The following BRINP1 variants were observed in gnomAD, a reference collection of about 807,000 sequenced individuals.
BRINP1 encodes BMP/retinoic acid-inducible neural-specific protein 1.
Under a neutral mutation model 72.9 loss-of-function variants are expected in BRINP1, and 17 were observed. The observed-to-expected ratio is 0.23, with a 90% CI of 0.16 to 0.35. The LOEUF (loss-of-function observed/expected upper bound fraction) is 0.35, where lower values mean the gene tolerates loss of function less well. Ranked by LOEUF, BRINP1 falls within the 10% of genes least tolerant of loss-of-function variation. BRINP1 has a pLI of 1.00. For synonymous variants in BRINP1, 418 were observed against 378.5 expected, an observed-to-expected ratio of 1.10 and a Z score of -1.21; for missense variants, 850 against 1,001.6, an observed-to-expected ratio of 0.85 and a Z score of 2.04.
chr9:119,282,722 A>G (rs915406030), intron 2 of BRINP1: 15 of 896,336 alleles, frequency 1.7e-5, no homozygotes, highest in Non-Finnish European at 2.0e-5. Flanking sequence ...CTGGAAGGGG[A>G]CTGGGGAACA....
chr9:119,291,504 A>G (rs2118973429), intron 2 of BRINP1, among the ~76,000 whole-genome samples: 1 of 152,296 alleles, frequency 6.6e-6, no homozygotes, highest in Non-Finnish European at 1.5e-5. Flanking sequence ...TACTTTGAAG[A>G]CTGTCTTCCA....
intron 2 of BRINP1, among the ~76,000 whole-genome samples, chr9:119,255,976 A>C (rs1295016875): frequency 1.3e-5 from 2 of 151,020 alleles, no homozygotes; most frequent in Non-Finnish European, 3.0e-5. Flanking sequence ...AAAAAAAAAA[A>C]AAAAAAACAC....
At chr9:119,321,297 T>C (rs1831184076) in intron 1 of BRINP1, among the ~76,000 whole-genome samples, 1 of 152,104 alleles carries the variant, frequency 6.6e-6, no homozygotes, top group Admixed American at 6.5e-5. Context: ...GTAACTGGCC[T>C]CATACCACAA....
chr9:119,325,169 GAA>G (rs1831227504), intron 1 of BRINP1, among the ~76,000 whole-genome samples: 1 of 152,018 alleles, frequency 6.6e-6, no homozygotes, highest in Non-Finnish European at 1.5e-5. Flanking sequence ...GAGGAAAAAA[GAA>G]AACTCTGGAA....
At chr9:119,254,234 T>C (rs1457024738) in intron 2 of BRINP1, among the ~76,000 whole-genome samples, 2 of 152,034 alleles carry the variant, frequency 1.3e-5, no homozygotes, top group African/African-American at 4.8e-5. Context: ...AAGAAACAAA[T>C]ATGTAATGTG....
intron 4 of BRINP1, among the ~76,000 whole-genome samples, chr9:119,240,506 G>C (rs755403541): frequency 1.3e-5 from 2 of 152,166 alleles, no homozygotes; most frequent in Non-Finnish European, 2.9e-5. Flanking sequence ...TCTTCTGACA[G>C]AGCTTCAATA....
At chr9:119,245,127 G>A (rs1034565607) in intron 3 of BRINP1, among the ~76,000 whole-genome samples, 2 of 152,084 alleles carry the variant, frequency 1.3e-5, no homozygotes, top group Non-Finnish European at 2.9e-5. Context: ...AAACAAAAAA[G>A]ATGAGCCCTC....
chr9:119,337,277 C>T (rs1025512787), intron 1 of BRINP1, among the ~76,000 whole-genome samples: 2 of 152,104 alleles, frequency 1.3e-5, no homozygotes, highest in African/African-American at 4.8e-5. Context: ...AAAGGAATGA[C>T]GTGGCCAGGT....
intron 2 of BRINP1, among the ~76,000 whole-genome samples, chr9:119,290,392 T>C (rs1469187009): frequency 1.3e-5 from 2 of 152,096 alleles, no homozygotes; most frequent in Non-Finnish European, 2.9e-5. Flanking sequence ...TATTCTTGAG[T>C]GAACAAGAAA....
chr9:119,178,013 G>A (rs1366947029), intron 7 of BRINP1, among the ~76,000 whole-genome samples: 1 of 152,156 alleles, frequency 6.6e-6, no homozygotes, highest in Non-Finnish European at 1.5e-5. Flanking sequence ...GTGGGGAAGG[G>A]TGATAAGTGG....
chr9:119,186,910 A>G (rs1240168988), intron 7 of BRINP1, among the ~76,000 whole-genome samples: 1 of 151,970 alleles, frequency 6.6e-6, no homozygotes, highest in African/African-American at 2.4e-5. Flanking sequence ...ACTAAGCAGT[A>G]CCCTCTCTCC....
intron 2 of BRINP1, among the ~76,000 whole-genome samples, chr9:119,290,652 G>C (rs1830812079): frequency 6.6e-6 from 1 of 152,164 alleles, no homozygotes; most frequent in Non-Finnish European, 1.5e-5. Context: ...GGTGATAATG[G>C]AAGAGGAGGG....
At chr9:119,325,071 G>T (rs1484865456) in intron 1 of BRINP1, among the ~76,000 whole-genome samples, 2 of 151,794 alleles carry the variant, frequency 1.3e-5, no homozygotes, top group East Asian at 3.9e-4. Context: ...TTGCACTCCA[G>T]CCTGGGCAAC....
intron 1 of BRINP1, among the ~76,000 whole-genome samples, chr9:119,323,179 G>C (rs1831206712): frequency 6.6e-6 from 1 of 152,144 alleles, no homozygotes; most frequent in South Asian, 2.1e-4. Context: ...CTCACCTCAA[G>C]CTTCCACAGG....
At position 119,314,782 on chromosome 9, in the gene BRINP1, T is replaced by C. The variant is rs550966340; in HGVS notation, c.-50-1377A>G. ...TTTCCTGACATTCAGTTTCCTTATC[T>C]GCAAAATGTGGTTAATAATAGCACC... On this transcript the variant is annotated intron_variant, in intron 1 of 7. Coordinates refer to ENST00000265922, the MANE Select transcript of BRINP1 (RefSeq NM_014618.3). Among the ~76,000 whole-genome samples, 48 of 152,286 alleles carry C rather than the reference T, an allele frequency of 3.2e-4. 1 individual carries two copies. In the South Asian group the frequency reaches 1.0e-2, roughly 32 times the overall value.
chr9:119,293,186 T>G (rs575297899), intron 2 of BRINP1, among the ~76,000 whole-genome samples: 186 of 152,212 alleles, frequency 1.2e-3, no homozygotes, highest in Non-Finnish European at 2.1e-3. Flanking sequence ...GAATATGACA[T>G]GTTATAAGAA....
At chr9:119,175,141 A>G (rs1352579049) in intron 7 of BRINP1, among the ~76,000 whole-genome samples, 1 of 148,952 alleles carries the variant, frequency 6.7e-6, no homozygotes, top group African/African-American at 2.5e-5. Context: ...AAGACAAAAA[A>G]AAAAAGAAAA....
At chr9:119,250,512 C>T (rs1390221863) in intron 2 of BRINP1, among the ~76,000 whole-genome samples, 1 of 152,178 alleles carries the variant, frequency 6.6e-6, no homozygotes, top group Non-Finnish European at 1.5e-5. Flanking sequence ...TTTGCTACTG[C>T]TGATGCAGGA....
chr9:119,303,578 G>T (rs1182256665), intron 2 of BRINP1, among the ~76,000 whole-genome samples: 6 of 152,180 alleles, frequency 3.9e-5, no homozygotes, highest in African/African-American at 1.4e-4. Context: ...AAGAGACCTT[G>T]CCAGTATGGT....
Sources: gnomAD v4.1 joint callset for allele counts (sites outside exome capture counted in the v4.1 genomes callset) on GRCh38, gnomAD v4.1.1 for gene constraint, MANE v1.5 for transcripts, NCBI Gene and HGNC (gene_info 2026-07-23, HGNC 2026-07-21) for gene names.